Variants in CREB3L3 observed in about 807,000 individuals in gnomAD.
CREB3L3 encodes the protein cyclic AMP-responsive element-binding protein 3-like protein 3.
Under a neutral mutation model 44.6 loss-of-function variants are expected in CREB3L3, and 40 were observed. The observed-to-expected ratio is 0.90, with a 90% CI of 0.70 to 1.17. CREB3L3 has a LOEUF of 1.17. Ranked by LOEUF, CREB3L3 falls within the 50% of genes most tolerant of loss-of-function variation. CREB3L3 has a pLI of 0.00. For synonymous variants in CREB3L3, 273 were observed against 256.3 expected, an observed-to-expected ratio of 1.06 and a Z score of -0.62; for missense variants, 578 against 595.8, an observed-to-expected ratio of 0.97 and a Z score of 0.31.
chr19:4,166,304 GAGTGC>G (rs1349366518), intron 5 of CREB3L3, among the ~76,000 whole-genome samples: 1 of 151,652 alleles, frequency 6.6e-6, no homozygotes, highest in African/African-American at 2.4e-5. Flanking sequence ...GCCCAGGCTG[GAGTGC>G]AGTGGCGCGA....
intron 6 of CREB3L3, among the ~76,000 whole-genome samples, chr19:4,169,210 G>C (rs1159806500): frequency 2.3e-4 from 35 of 151,986 alleles, no homozygotes; most frequent in Admixed American, 2.3e-3. Flanking sequence ...CTTGAATCTC[G>C]GCCGGGCGCC....
Position 4,171,996 on chromosome 19 carries a change from C to T in CREB3L3, c.*27C>T. ...CCCCGCCAGGACTATGCTCCCAGGC[C>T]CCTCTGCCCAGGGGTGCCTTGGGGA... is the stretch of plus-strand genomic sequence containing the variant. On this transcript the variant is annotated 3_prime_UTR_variant, in exon 10 of 10. Coordinates refer to ENST00000078445, the MANE Select transcript of CREB3L3 (RefSeq NM_032607.3). The surrounding 1 kb of genome is among the most constrained non-coding windows in gnomAD (Gnocchi z 4.9). 6.4e-7 allele frequency: 1 copy of T among 1,552,956 alleles called. No homozygotes were observed. Among genetic ancestry groups the T allele is most frequent in the Non-Finnish European group, 8.7e-7 (1 of 1,152,448 alleles).
At position 4,167,352 on chromosome 19, in the gene CREB3L3, A is replaced by AAGAAAGAGAG. The variant is rs377740874; in HGVS notation, c.715-996_715-995insAAGAGAGAGA. 6.4e-4 allele frequency among the ~76,000 whole-genome samples: 83 copies of AAGAAAGAGAG among 130,240 alleles called. No individual in the cohort carries two copies. In the East Asian group the frequency reaches 0.014, roughly 23 times the overall value. The allele number at this position is 130,240 out of a possible 152,430, so 85.4% of individuals were successfully genotyped here. Reference sequence around the variant, plus strand: ...GAGCGAAACAAGAAAGAAAGAAAGAAAGAGAGAGAGAGAGAGAGAGAGAAA... The same window carrying AAGAAAGAGAG: ...GAGCGAAACAAGAAAGAAAGAAAGAAAGAAAGAGAGAGAGAGAGAGAGAGAGAGAGAGAAA... On this transcript the variant is annotated intron_variant, in intron 5 of 9. Transcript: ENST00000078445.
rs964288945 is a variant in CREB3L3 at position 4,166,117 on chromosome 19, C to G, written c.714+1477C>G. Among the ~76,000 whole-genome samples the G allele has an allele frequency of 5.4e-5, 8 of 149,452 alleles. No individual in the cohort carries two copies. In the Admixed American group the frequency reaches 5.4e-4, roughly 10 times the overall value. On this transcript the variant is annotated intron_variant, in intron 5 of 9. Transcript: ENST00000078445. Reference sequence around the variant, plus strand: ...TTTTTTTTTTCTATTGAGACAGGTTCTGACTCTGTTGCCCAGGCTGGAGTG... The same window carrying G: ...TTTTTTTTTTCTATTGAGACAGGTTGTGACTCTGTTGCCCAGGCTGGAGTG...
Position 4,157,312 on chromosome 19 carries a change from C to G in CREB3L3, c.457+17C>G. Reference sequence around the variant, plus strand: ...TAGACCTGGGTGAGTCCTGCTGTGTCTCTGCCCACCGCCCTCACCTTGTTC... The same window carrying G: ...TAGACCTGGGTGAGTCCTGCTGTGTGTCTGCCCACCGCCCTCACCTTGTTC... On this transcript the variant is annotated intron_variant, in intron 3 of 9. Coordinates refer to ENST00000078445, the MANE Select transcript of CREB3L3 (RefSeq NM_032607.3). The G allele has an allele frequency of 6.2e-6, 10 of 1,613,602 alleles. No individual in the cohort carries two copies. The highest frequency in any genetic ancestry group is 8.5e-6 in the Non-Finnish European group (10 of 1,179,568).
chr19:4,156,118 T>TCC (rs2041571380), intron 2 of CREB3L3, among the ~76,000 whole-genome samples: 1 of 104,902 alleles, frequency 9.5e-6, no homozygotes, highest in Admixed American at 1.0e-4. Context: ...TCTCTCTCTC[T>TCC]CCCCCCCTCT....
intron 1 of CREB3L3, among the ~76,000 whole-genome samples, chr19:4,154,315 G>T (rs1367514750): frequency 1.3e-5 from 2 of 152,032 alleles, no homozygotes; most frequent in African/African-American, 4.8e-5. Context: ...CAGGTGAGCT[G>T]CCCGCCTCGG....
chr19:4,158,670 A>G (rs1220530690), intron 3 of CREB3L3, among the ~76,000 whole-genome samples: 1 of 151,854 alleles, frequency 6.6e-6, no homozygotes, highest in Non-Finnish European at 1.5e-5. Context: ...GTGTGGTGGC[A>G]GGCGCCTGTA....
At chr19:4,155,932 A>G (rs2041566811) in intron 2 of CREB3L3, among the ~76,000 whole-genome samples, 1 of 150,938 alleles carries the variant, frequency 6.6e-6, no homozygotes, top group South Asian at 2.1e-4. Context: ...TGTTTTTAGT[A>G]GAGATGGGGT....
intron 4 of CREB3L3, among the ~76,000 whole-genome samples, chr19:4,160,696 C>T (rs55950646): frequency 0.018 from 2,797 of 151,812 alleles, 74 homozygotes; most frequent in African/African-American, 0.063. Context: ...GCTGAGATTA[C>T]AGGCATGCAC....
At position 4,170,222 on chromosome 19, in the gene CREB3L3, C is replaced by T. The variant is rs938042767; in HGVS notation, c.890+14C>T. The T allele has an allele frequency of 1.1e-5, 17 of 1,613,692 alleles. No homozygotes were observed. The South Asian group carries it at 1.6e-4, about 16-fold the overall frequency. On this transcript the variant is annotated intron_variant, in intron 7 of 9. Coordinates refer to ENST00000078445, the MANE Select transcript of CREB3L3 (RefSeq NM_032607.3). Reference sequence around the variant, plus strand: ...GAAGCAAAACCTGTGAGTCTGGGTCCAGCTGGGGCAGAGGACAGGGGAAGC... The same window carrying T: ...GAAGCAAAACCTGTGAGTCTGGGTCTAGCTGGGGCAGAGGACAGGGGAAGC...
At chr19:4,169,270 T>G (rs968183632) in intron 6 of CREB3L3, among the ~76,000 whole-genome samples, 1 of 151,742 alleles carries the variant, frequency 6.6e-6, no homozygotes, top group Non-Finnish European at 1.5e-5. Flanking sequence ...GGCAGGCGGA[T>G]CACGAGTTCA....
chr19:4,154,936 G>A lies in CREB3L3; in HGVS notation c.65G>A (p.Ser22Asn), dbSNP rs2041552611. The A allele has an allele frequency of 1.2e-6, 2 of 1,613,862 alleles. No homozygotes were observed. Among genetic ancestry groups the A allele is most frequent in the East Asian group, 4.5e-5 (2 of 44,882 alleles). Residue 22 changes from serine to asparagine, a missense_variant, in exon 2 of 10, where the codon AGC (serine) becomes AAC (asparagine). Physicochemically the swap from Ser to Asn is conservative, Grantham distance 46 (BLOSUM62 1). Coordinates refer to ENST00000078445, the MANE Select transcript of CREB3L3 (RefSeq NM_032607.3). ...SAACSMDPID[S>N]FELLDLLFDR... ...GCCTGCTCCATGGACCCCATCGACA[G>A]CTTTGAGCTCCTGGATCTCCTGTTT...
chr19:4,157,281 T>C lies in CREB3L3; in HGVS notation c.443T>C (p.Val148Ala), dbSNP rs753015316. The change falls in exon 3 of 10, where the codon GTG (valine) becomes GCG (alanine). Residue 148 changes from valine (V) to alanine (A), a missense_variant. Coordinates refer to ENST00000078445, the MANE Select transcript of CREB3L3 (RefSeq NM_032607.3). Reference sequence around the variant, plus strand: ...GTGATCCAAGTACCTGAAGCCTCTGTGACCATAGACCTGGGTGAGTCCTGC... The same window carrying C: ...GTGATCCAAGTACCTGAAGCCTCTGCGACCATAGACCTGGGTGAGTCCTGC... ...GPVIQVPEAS[V>A]TIDLEMWSPG... The C allele has an allele frequency of 3.1e-6, 5 of 1,614,170 alleles. No homozygotes were observed. The East Asian group carries it at 1.1e-4, about 36-fold the overall frequency.
Position 4,172,211 on chromosome 19 carries a change from C to A in CREB3L3, c.*242C>A. On this transcript the variant is annotated 3_prime_UTR_variant, in exon 10 of 10. Transcript: ENST00000078445. ...CGGGAAATACACACAGAGCCAGGAG[C>A]AGAAGCAAAGAGCAGACACACATAC... 3.3e-6 allele frequency: 2 copies of A among 597,226 alleles called. No homozygotes were observed. Among genetic ancestry groups the A allele is most frequent in the East Asian group, 5.6e-5 (2 of 36,008 alleles). 37.0% of individuals were successfully genotyped at this position (597,226 alleles called of 1,614,324 possible).
Position 4,171,355 on chromosome 19 carries a change from G to T in CREB3L3, c.976-28G>T. 1 of 1,601,284 alleles carries T rather than the reference G, an allele frequency of 6.2e-7. No homozygotes were observed. The highest frequency in any genetic ancestry group is 1.3e-5 in the African/African-American group (1 of 74,722). On this transcript the variant is annotated intron_variant, in intron 8 of 9. Coordinates refer to ENST00000078445, the MANE Select transcript of CREB3L3 (RefSeq NM_032607.3). This position sits in a 1 kb window ranked among gnomAD's most constrained non-coding sequence, Gnocchi z 4.9. The stretch of plus-strand genomic sequence containing the variant: ...GATGCTTGCAGGGGAGGGGAGGGAG[G>T]GGGTGACTCTGCCGCTGTCTCCACC...
At chr19:4,157,323 G>A (rs377135706) in intron 3 of CREB3L3, 28 bp downstream of exon 3, 58 of 1,611,816 alleles carry the variant, frequency 3.6e-5, no homozygotes, top group Middle Eastern at 1.6e-4. Flanking sequence ...TCTGCCCACC[G>A]CCCTCACCTT....
intron 3 of CREB3L3, among the ~76,000 whole-genome samples, chr19:4,158,106 C>T (rs1307386357): frequency 1.3e-5 from 2 of 152,026 alleles, no homozygotes; most frequent in African/African-American, 2.4e-5. Context: ...TCCCGGCGGG[C>T]CAGGCAGAGC....
intron 5 of CREB3L3, among the ~76,000 whole-genome samples, chr19:4,166,995 G>A (rs1966919283): frequency 6.6e-6 from 1 of 152,096 alleles, no homozygotes. Flanking sequence ...GCCTCCCAAA[G>A]TGCTGGGATT....
Sources: gnomAD v4.1 joint callset for allele counts (sites outside exome capture counted in the v4.1 genomes callset) on GRCh38, gnomAD v4.1.1 for gene constraint, Gnocchi (gnomAD v3.1) non-coding constraint, MANE v1.5 for transcripts, NCBI Gene and HGNC (gene_info 2026-07-23, HGNC 2026-07-21) for gene names.